The following GPR89B variants were observed in gnomAD, a reference collection of about 807,000 sequenced individuals.
The protein encoded by GPR89B is G protein-coupled receptor 89B.
In GPR89B, 25 loss-of-function variants were observed where a neutral mutation model predicts 52.4. That is an observed-to-expected ratio of 0.48 (90% confidence interval 0.35 to 0.67). GPR89B has a LOEUF of 0.67. GPR89B is among the 30% of genes least tolerant of loss of function. The pLI is 0.01. For missense variants in GPR89B, 146 were observed against 450.2 expected, an observed-to-expected ratio of 0.32 and a Z score of 6.11; for synonymous variants, 52 against 151.2, an observed-to-expected ratio of 0.34 and a Z score of 4.81.
chr1:147,978,272 G>C (rs2784393), intron 10 of GPR89B, among the ~76,000 whole-genome samples: 15 of 152,004 alleles, frequency 9.9e-5, no homozygotes, highest in African/African-American at 2.7e-4. Context: ...CATTTGTTGG[G>C]GGTCGAATCC....
At chr1:148,012,084 C>G in the GPR89B span, 1 of 151,912 alleles carries the variant, frequency 6.6e-6, no homozygotes, top group Non-Finnish European at 1.5e-5. Context: ...TTATTCAATT[C>G]TATTCTGAGG....
intron 10 of GPR89B, among the ~76,000 whole-genome samples, chr1:147,983,558 C>CA (rs1411585454): frequency 2.6e-5 from 4 of 152,086 alleles, no homozygotes; most frequent in African/African-American, 7.2e-5. Flanking sequence ...TTTATGACGC[C>CA]AAAAAACACA....
chr1:147,968,018 G>A (rs1305502884), intron 8 of GPR89B: 1 of 325,524 alleles, frequency 3.1e-6, no homozygotes, highest in Non-Finnish European at 6.0e-6. Flanking sequence ...TCAGAGAGGA[G>A]GGAGGATTTA....
chr1:147,943,446 A>G lies in GPR89B; in HGVS notation c.215A>G (p.Tyr72Cys), dbSNP rs1197756841. The G allele has an allele frequency of 1.2e-6, 2 of 1,610,248 alleles. No homozygotes were observed. The highest frequency in any genetic ancestry group is 2.7e-5 in the African/African-American group (2 of 74,526). ...TTTGACATTTATTTCAGCTCCCGTTATTTTCACTGGAAAATGAACCTGTGT... is the reference window on the plus strand; with the variant it reads ...TTTGACATTTATTTCAGCTCCCGTTGTTTTCACTGGAAAATGAACCTGTGT... ...ILGVLNSSSRYFHWKMNLCVI... is the reference protein window; with the variant it reads ...ILGVLNSSSRCFHWKMNLCVI... The change falls in exon 4 of 14, where the codon TAT (tyrosine) becomes TGT (cysteine). Residue 72 changes from tyrosine to cysteine, a missense_variant. Physicochemically the swap from Tyr to Cys is radical, Grantham distance 194. Transcript: ENST00000314163.
rs1659165096 is a variant in GPR89B, at chr1:147,992,847, G to GC, written c.1299dup (p.Ala434ArgfsTer4). On this transcript the variant is annotated frameshift_variant, in exon 14 of 14. Transcript: ENST00000314163. LOFTEE classifies it high-confidence loss of function. ...TGGTTTGATGTGATCTTCCTGGTCA[G>GC]CGCTCTCTCTAGCATACTCTTCCTC... 2 of 1,343,038 alleles carry GC rather than the reference G, an allele frequency of 1.5e-6. No homozygotes were observed. The highest frequency in any genetic ancestry group is 3.8e-5 in the Admixed American group (2 of 52,714). 83.2% of individuals were successfully genotyped at this position (1,343,038 alleles called of 1,614,324 possible). A position where few individuals can be genotyped will look rare whatever the true frequency, so the allele number is the denominator to read the frequency against.
the GPR89B span, among the ~76,000 whole-genome samples, chr1:148,019,891 A>G: frequency 2.0e-5 from 3 of 151,768 alleles, no homozygotes; most frequent in Non-Finnish European, 4.4e-5. Flanking sequence ...GGTCTCTGTA[A>G]GGCATAAGAA....
intron 10 of GPR89B, among the ~76,000 whole-genome samples, chr1:147,982,423 G>C (rs1658329704): frequency 6.8e-6 from 1 of 146,060 alleles, no homozygotes; most frequent in African/African-American, 2.6e-5. Flanking sequence ...TTACATTCCT[G>C]TCAGCAGGGG....
At position 147,983,174 on chromosome 1, in the gene GPR89B, A is replaced by C. The variant is rs1335300539; in HGVS notation, c.910-3025A>C. Among the ~76,000 whole-genome samples, 13 of 152,352 alleles carry C rather than the reference A, an allele frequency of 8.5e-5. No individual in the cohort carries two copies. The East Asian group carries it at 2.5e-3, about 29-fold the overall frequency. The stretch of plus-strand genomic sequence containing the variant: ...TTACACCTTATACAAAAATTAATTC[A>C]AGATGGATTAAAGACTTAAACGTTA... On this transcript the variant is annotated intron_variant, in intron 10 of 13. Coordinates refer to ENST00000314163, the MANE Select transcript of GPR89B (RefSeq NM_016334.5).
chr1:147,963,375 TAA>T (rs71077287), intron 7 of GPR89B, among the ~76,000 whole-genome samples: 3,789 of 140,860 alleles, frequency 0.027, 2 homozygotes, highest in African/African-American at 0.036. Flanking sequence ...GACTCCTTCT[TAA>T]AAAAAAAAAA....
chr1:147,993,976 T>C (rs1327656095), downstream of GPR89B: 2 of 342,326 alleles, frequency 5.8e-6, no homozygotes, highest in African/African-American at 4.3e-5. Flanking sequence ...TTATGAATCA[T>C]CTTTGGTGCT....
chr1:147,993,387 A>T lies in GPR89B; in HGVS notation c.*470A>T, dbSNP rs1170984766. 1 of 239,736 alleles carries T rather than the reference A, an allele frequency of 4.2e-6. No individual in the cohort carries two copies. The highest frequency in any genetic ancestry group is 8.2e-6 in the Non-Finnish European group (1 of 122,424). 14.9% of individuals were successfully genotyped at this position (239,736 alleles called of 1,614,324 possible). On this transcript the variant is annotated 3_prime_UTR_variant, in exon 14 of 14. Coordinates refer to ENST00000314163, the MANE Select transcript of GPR89B (RefSeq NM_016334.5). ...TATCAAGCATAGCTTGGTATTTATTATGCTTGTGTGATCTAACATGAGTTA... is the reference window on the plus strand; with the variant it reads ...TATCAAGCATAGCTTGGTATTTATTTTGCTTGTGTGATCTAACATGAGTTA...
chr1:147,950,020 G>C (rs1412714894), intron 5 of GPR89B, among the ~76,000 whole-genome samples: 1 of 146,332 alleles, frequency 6.8e-6, no homozygotes, highest in African/African-American at 2.6e-5. Flanking sequence ...GCCGGGCGGG[G>C]GGCTGACCTC....
intron 12 of GPR89B, among the ~76,000 whole-genome samples, chr1:147,988,923 G>A (rs1218307522): frequency 7.4e-6 from 1 of 135,070 alleles, no homozygotes; most frequent in African/African-American, 2.8e-5. Context: ...TCTGCCTCCT[G>A]AGACTTTAAA....
Position 147,958,409 on chromosome 1 carries a change from C to T in GPR89B, c.617+4007C>T, listed in dbSNP as rs1193754403. Among the ~76,000 whole-genome samples, 562 of 150,328 alleles carry T rather than the reference C, an allele frequency of 3.7e-3. 9 individuals carry two copies. The highest frequency in any genetic ancestry group is 0.013 in the African/African-American group (525 of 40,482). On this transcript the variant is annotated intron_variant, in intron 7 of 13. Coordinates refer to ENST00000314163, the MANE Select transcript of GPR89B (RefSeq NM_016334.5). ...CGGGTACTCATGCCTGTAACCCTAA[C>T]GCTTTGAGAGGCTGAGGTCATGAGT...
the GPR89B span, among the ~76,000 whole-genome samples, chr1:148,020,679 A>G: frequency 1.3e-5 from 2 of 151,788 alleles, no homozygotes; most frequent in Non-Finnish European, 2.9e-5. Context: ...TTTTTCTTTT[A>G]TTTATTTATT....
At chr1:147,998,980 C>T in the GPR89B span, among the ~76,000 whole-genome samples, 1 of 151,392 alleles carries the variant, frequency 6.6e-6, no homozygotes, top group Non-Finnish European at 1.5e-5. Flanking sequence ...GTGTTTTACT[C>T]ACTGATGTAT....
At chr1:147,950,580 G>A (rs1413602151) in intron 5 of GPR89B, among the ~76,000 whole-genome samples, 1 of 152,212 alleles carries the variant, frequency 6.6e-6, no homozygotes, top group African/African-American at 2.4e-5. Flanking sequence ...GCCAAGGCAG[G>A]CGGCTGGGAG....
chr1:147,933,953 T>TG (rs1239196497), intron 1 of GPR89B, among the ~76,000 whole-genome samples: 1 of 151,960 alleles, frequency 6.6e-6, no homozygotes, highest in Non-Finnish European at 1.5e-5. Context: ...CTCCTTAGGG[T>TG]GGCCTTCAAA....
the GPR89B span, among the ~76,000 whole-genome samples, chr1:148,008,268 T>C: frequency 4.6e-4 from 70 of 152,242 alleles, no homozygotes; most frequent in Admixed American, 4.6e-4. Flanking sequence ...ACCTAAACCA[T>C]TCACCATGTG....
Sources: allele counts gnomAD v4.1 joint callset (sites outside exome capture counted in the v4.1 genomes callset), GRCh38; gene constraint gnomAD v4.1.1; transcripts MANE v1.5; gene names NCBI Gene and HGNC (gene_info 2026-07-23, HGNC 2026-07-21).